The following ABCC8 variants were observed in gnomAD, a reference collection of about 807,000 sequenced individuals.
The protein encoded by ABCC8 is ATP binding cassette subfamily C member 8.
Under a neutral mutation model 188.0 loss-of-function variants are expected in ABCC8, and 137 were observed. The ratio of observed to expected loss-of-function variants is 0.73; its 90% confidence interval spans 0.63 to 0.84. The LOEUF is 0.84. Among genes scored for constraint, ABCC8 ranks in the 40% least tolerant of loss-of-function variants. The pLI is 0.00. For missense variants in ABCC8, 1,750 were observed against 2,072.7 expected, an observed-to-expected ratio of 0.84 and a Z score of 3.02; for synonymous variants, 797 against 846.5, an observed-to-expected ratio of 0.94 and a Z score of 1.01.
chr11:17,395,410 G>C (rs1953861780), intron 35 of ABCC8, 135 bp from the exon 36 acceptor site: 1 of 1,515,552 alleles, frequency 6.6e-7, no homozygotes, highest in Admixed American at 2.0e-5. Flanking sequence ...TGGTGGCAGT[G>C]GGTGGGGGAC....
chr11:17,445,232 G>A (rs956967919), intron 8 of ABCC8, among the ~76,000 whole-genome samples: 3 of 152,246 alleles, frequency 2.0e-5, no homozygotes, highest in African/African-American at 7.2e-5. Flanking sequence ...TGAAATTATA[G>A]CCCAAATGTT....
At chr11:17,466,256 A>G (rs1300244118) in intron 3 of ABCC8, among the ~76,000 whole-genome samples, 1 of 152,020 alleles carries the variant, frequency 6.6e-6, no homozygotes, top group African/African-American at 2.4e-5. Context: ...AAAATTAGCC[A>G]GGCGTGGTGG....
chr11:17,472,658 C>A (rs1848544103), intron 2 of ABCC8, among the ~76,000 whole-genome samples: 1 of 152,218 alleles, frequency 6.6e-6, no homozygotes, highest in Admixed American at 6.5e-5. Flanking sequence ...AATTACTCAG[C>A]TTGAGCTGAT....
intron 29 of ABCC8, among the ~76,000 whole-genome samples, chr11:17,400,475 G>A (rs1203229707): frequency 1.3e-5 from 2 of 152,084 alleles, no homozygotes; most frequent in Admixed American, 6.5e-5. Flanking sequence ...CCCCAGCCTC[G>A]GAGCCATGTA....
chr11:17,431,110 C>T, intron 11 of ABCC8, 151 bp from the exon 12 acceptor site: 1 of 1,273,742 alleles, frequency 7.9e-7, no homozygotes, highest in Non-Finnish European at 1.1e-6. Context: ...TCATCATCCC[C>T]ACAGTCATCT....
rs572162181 is a variant in ABCC8 at position 17,475,444 on chromosome 11, G to A, written c.149-417C>T. On this transcript the variant is annotated intron_variant, in intron 1 of 38. Coordinates refer to ENST00000389817, the MANE Select transcript of ABCC8 (RefSeq NM_000352.6). The stretch of plus-strand genomic sequence containing the variant: ...TCACTATGTTGCCCAGGCTGGTCTC[G>A]AACTCCTGGACTCAAGCAGTCTTCC... Among the ~76,000 whole-genome samples the A allele has an allele frequency of 6.6e-5, 10 of 152,136 alleles. No homozygotes were observed. The East Asian group carries it at 7.8e-4, about 12-fold the overall frequency.
At chr11:17,402,899 A>AAG in intron 28 of ABCC8, 146 bp from the exon 29 acceptor site, 3 of 943,542 alleles carry the variant, frequency 3.2e-6, no homozygotes, top group Non-Finnish European at 3.3e-6. Flanking sequence ...AAGGGGGAAG[A>AAG]CAATGCCACC....
chr11:17,465,422 G>T (rs940454144), intron 3 of ABCC8: 4 of 152,264 alleles, frequency 2.6e-5, no homozygotes, highest in African/African-American at 9.7e-5. Context: ...TGGGGAATCC[G>T]AGGCTCAGAG....
At chr11:17,435,526 A>C (rs2133567581) in intron 10 of ABCC8, 1 of 1,100,702 alleles carries the variant, frequency 9.1e-7, no homozygotes, top group Middle Eastern at 3.0e-4. Context: ...TCTACAAGGT[A>C]CTCTACTGCT....
At position 17,397,808 on chromosome 11, in the gene ABCC8, A is replaced by G; in HGVS notation, c.3754-11T>C. 1.2e-6 allele frequency: 2 copies of G among 1,613,410 alleles called. No homozygotes were observed. Among genetic ancestry groups the G allele is most frequent in the Non-Finnish European group, 1.7e-6 (2 of 1,179,942 alleles). On this transcript the variant is annotated splice_polypyrimidine_tract_variant and intron_variant, in intron 30 of 38. Coordinates refer to ENST00000389817, the MANE Select transcript of ABCC8 (RefSeq NM_000352.6). ...TGCACCGATGTACTCCTGGGGAGGG[A>G]GAGGAGCTGACCTGGGCGCTCAGGG...
intron 29 of ABCC8, among the ~76,000 whole-genome samples, chr11:17,401,336 C>A (rs1364144653): frequency 2.0e-5 from 3 of 152,224 alleles, no homozygotes; most frequent in Non-Finnish European, 4.4e-5. Context: ...ACAGCATAGG[C>A]TTGTCCAGGG....
intron 7 of ABCC8, among the ~76,000 whole-genome samples, chr11:17,451,505 T>C (rs1591858356): frequency 6.6e-6 from 1 of 152,228 alleles, no homozygotes; most frequent in East Asian, 1.9e-4. Flanking sequence ...ACACAGACTA[T>C]TCCAAGATAG....
chr11:17,395,689 C>A lies in ABCC8; in HGVS notation c.4228G>T (p.Ala1410Ser). The change falls in exon 35 of 39, where the codon GCC becomes TCC. Residue 1410 changes from alanine (A) to serine (S), a missense_variant. Ala to Ser is a moderately conservative substitution (Grantham distance 99). Coordinates refer to ENST00000389817, the MANE Select transcript of ABCC8 (RefSeq NM_000352.6). ...GHIIIDGIDI[A>S]KLPLHTLRSR... The stretch of plus-strand genomic sequence containing the variant: ...CGCAGGGTGTGCAGCGGCAGTTTGG[C>A]GATGTCAATGCCATCAATGATGATG... The A allele has an allele frequency of 6.4e-7, 1 of 1,558,686 alleles. No homozygotes were observed. The highest frequency in any genetic ancestry group is 8.7e-7 in the Non-Finnish European group (1 of 1,150,890).
Position 17,423,356 on chromosome 11 carries a change from C to CAAAAAAAA in ABCC8, c.2222+3685_2222+3692dup, listed in dbSNP as rs58524307. ...TGGGCAACAGGGCGAGACTCCGTCT[C>CAAAAAAAA]AAAAAAAAAAAAAAAAAAAAAAAGC... On this transcript the variant is annotated intron_variant, in intron 16 of 38. Transcript: ENST00000389817. Among the ~76,000 whole-genome samples the CAAAAAAAA allele has an allele frequency of 8.9e-4, 56 of 63,204 alleles. 2 individuals carry two copies. The highest frequency in any genetic ancestry group is 0.014 in the Middle Eastern group (1 of 70). The allele number at this position is 63,204 out of a possible 152,430, so 41.5% of individuals were successfully genotyped here.
rs4148645 is a variant in ABCC8, at chr11:17,396,558, G to A, written c.4119+358C>T. 1.4e-3 allele frequency: 494 copies of A among 342,254 alleles called. 7 individuals are homozygous for A. The East Asian group carries it at 0.028, about 20-fold the overall frequency. The allele number at this position is 342,254 out of a possible 1,614,324, so 21.2% of individuals were successfully genotyped here. A position where few individuals can be genotyped will look rare whatever the true frequency, so the allele number is the denominator to read the frequency against. ...TCACCCTCAATACAAGGGTGGCCTCGCTGTCTGCCCCCAGGTCCCTGCCCT... is the reference window on the plus strand; with the variant it reads ...TCACCCTCAATACAAGGGTGGCCTCACTGTCTGCCCCCAGGTCCCTGCCCT... On this transcript the variant is annotated intron_variant, in intron 33 of 38. Transcript: ENST00000389817.
intron 3 of ABCC8, among the ~76,000 whole-genome samples, chr11:17,469,134 C>A (rs2133707328): frequency 6.7e-6 from 1 of 148,640 alleles, no homozygotes; most frequent in East Asian, 2.1e-4. Flanking sequence ...CTCTGTCACC[C>A]AGGCTGGACT....
chr11:17,463,863 T>A (rs1193796450), intron 3 of ABCC8, among the ~76,000 whole-genome samples: 2 of 152,212 alleles, frequency 1.3e-5, no homozygotes, highest in African/African-American at 4.8e-5. Flanking sequence ...TAAAAATAAA[T>A]GATCATGGGA....
intron 21 of ABCC8, 95 bp downstream of exon 21, chr11:17,412,571 T>G: frequency 1.4e-6 from 2 of 1,467,074 alleles, no homozygotes; most frequent in Non-Finnish European, 1.9e-6. Flanking sequence ...GAGAGGGAGA[T>G]TGTTGGATGA....
chr11:17,430,834 A>G lies in ABCC8; in HGVS notation c.1797T>C (p.Ser599=). Residue 599 remains serine (S), a synonymous_variant, in exon 12 of 39, where the codon TCT becomes TCC. Coordinates refer to ENST00000389817, the MANE Select transcript of ABCC8 (RefSeq NM_000352.6). The stretch of plus-strand genomic sequence containing the variant: ...CTCACCTCACTAGAGCTTTGACGGT[A>G]GATCGGACCACACTGGACAGCAGGA... ...PLFLLSSVVR[S]TVKALVSVQK... 6.2e-7 allele frequency: 1 copy of G among 1,614,208 alleles called. No individual in the cohort carries two copies. Among genetic ancestry groups the G allele is most frequent in the Non-Finnish European group, 8.5e-7 (1 of 1,180,034 alleles).
Sources: gnomAD v4.1 joint callset for allele counts (sites outside exome capture counted in the v4.1 genomes callset) on GRCh38, gnomAD v4.1.1 for gene constraint, MANE v1.5 for transcripts, NCBI Gene and HGNC (gene_info 2026-07-23, HGNC 2026-07-21) for gene names.